Variants in MPDZ observed in about 807,000 individuals in gnomAD.
The protein encoded by MPDZ is multiple PDZ domain protein.
MPDZ carries 234 observed loss-of-function variants against 239.1 expected under a neutral mutation model. That is an observed-to-expected ratio of 0.98 (90% confidence interval 0.88 to 1.09). MPDZ has a LOEUF of 1.09. MPDZ is among the 50% of genes least tolerant of loss of function. The probability of loss-of-function intolerance (pLI) is 0.00; values close to 1 mark genes in which losing one functional copy is unlikely to be tolerated. For missense variants in MPDZ, 3,175 were observed against 2,510.0 expected, an observed-to-expected ratio of 1.26 and a Z score of -5.66; for synonymous variants, 1,048 against 881.3, an observed-to-expected ratio of 1.19 and a Z score of -3.35.
At chr9:13,122,335 T>C (rs1006237251) in intron 36 of MPDZ, among the ~76,000 whole-genome samples, 165 bp from the exon 37 acceptor site, 7 of 152,146 alleles carry the variant, frequency 4.6e-5, no homozygotes, top group African/African-American at 1.7e-4. Flanking sequence ...GTAACAACAA[T>C]TTTTGCTAAA....
At chr9:13,250,825 T>A (rs1055687141) in intron 1 of MPDZ, among the ~76,000 whole-genome samples, 17 of 152,034 alleles carry the variant, frequency 1.1e-4, no homozygotes, top group African/African-American at 4.1e-4. Flanking sequence ...AATACATGCA[T>A]ACCTATTAGA....
chr9:13,136,116 G>A lies in MPDZ; in HGVS notation c.4359C>T (p.Asn1453=), dbSNP rs748130357. 1.3e-5 allele frequency: 21 copies of A among 1,611,800 alleles called. No individual in the cohort carries two copies. The African/African-American group carries it at 2.5e-4, about 20-fold the overall frequency. The change falls in exon 31 of 47, where the codon AAC becomes AAT. Residue 1453 remains asparagine (N), a synonymous_variant. Transcript: ENST00000319217. The part of the protein sequence containing the change: ...PGNAVEPLPS[N]SENLQNKETE... ...CCTCCTTATTTTGAAGATTTTCTGA[G>A]TTAGAAGGCAAAGGTTCTACTGCAT...
intron 3 of MPDZ, among the ~76,000 whole-genome samples, chr9:13,237,484 G>C (rs932772946): frequency 2.8e-5 from 4 of 141,946 alleles, no homozygotes; most frequent in Admixed American, 7.1e-5. Context: ...TAAGTACAAA[G>C]TGTTTATGCT....
At chr9:13,236,268 T>TATATATATATATATATATATATATA (rs1491170147) in intron 3 of MPDZ, among the ~76,000 whole-genome samples, 9 of 13,072 alleles carry the variant, frequency 6.9e-4, no homozygotes, top group Non-Finnish European at 8.7e-4. Flanking sequence ...TATATATATA[T>TATATATATATATATATATATATATA]TTTTTTTTTT....
At chr9:13,153,840 G>C (rs747398087) in intron 24 of MPDZ, among the ~76,000 whole-genome samples, 1 of 152,046 alleles carries the variant, frequency 6.6e-6, no homozygotes, top group Non-Finnish European at 1.5e-5. Context: ...AAGAAGGAAA[G>C]AAAATGTCTC....
chr9:13,210,924 T>A (rs1957548525), intron 10 of MPDZ, among the ~76,000 whole-genome samples: 1 of 152,082 alleles, frequency 6.6e-6, no homozygotes, highest in South Asian at 2.1e-4. Context: ...CACAAAGCCA[T>A]CTTTCAGCAG....
At chr9:13,191,305 G>T (rs944617331) in intron 15 of MPDZ, among the ~76,000 whole-genome samples, 1 of 151,944 alleles carries the variant, frequency 6.6e-6, no homozygotes, top group Admixed American at 6.6e-5. Flanking sequence ...TTATTCCATT[G>T]TACTGATTCA....
intron 3 of MPDZ, among the ~76,000 whole-genome samples, chr9:13,228,941 A>C (rs938672835): frequency 1.3e-5 from 2 of 152,148 alleles, no homozygotes; most frequent in Non-Finnish European, 2.9e-5. Flanking sequence ...GAAGGACACA[A>C]ACTAGAGCAT....
chr9:13,110,503 A>T (rs1479932206), intron 44 of MPDZ, 133 bp downstream of exon 44: 3 of 694,004 alleles, frequency 4.3e-6, no homozygotes, highest in African/African-American at 1.8e-5. Context: ...TCTTAATTTA[A>T]TCATTTATGT....
At chr9:13,258,823 TAATTC>T (rs1970012137) in intron 1 of MPDZ, among the ~76,000 whole-genome samples, 1 of 152,214 alleles carries the variant, frequency 6.6e-6, no homozygotes, top group Non-Finnish European at 1.5e-5. Flanking sequence ...AAAATAAGAT[TAATTC>T]AATTTTGCCC....
chr9:13,236,803 TTC>T (rs1364661569), intron 3 of MPDZ, among the ~76,000 whole-genome samples: 1 of 152,152 alleles, frequency 6.6e-6, no homozygotes, highest in Non-Finnish European at 1.5e-5. Flanking sequence ...ATTGTTTACC[TTC>T]TTTTTTAAAA....
intron 10 of MPDZ, among the ~76,000 whole-genome samples, chr9:13,213,585 T>A (rs185463124): frequency 3.4e-4 from 52 of 152,174 alleles, no homozygotes; most frequent in African/African-American, 1.2e-3. Flanking sequence ...TTCAAAAGCA[T>A]TGCATGATGT....
chr9:13,273,023 A>AG (rs1397624541), intron 1 of MPDZ, among the ~76,000 whole-genome samples: 1 of 152,148 alleles, frequency 6.6e-6, no homozygotes, highest in Non-Finnish European at 1.5e-5. Context: ...GAATGGGATT[A>AG]GTGCCCTTAT....
intron 41 of MPDZ, 49 bp downstream of exon 41, chr9:13,113,882 T>C (rs1383046791): frequency 1.4e-6 from 2 of 1,403,982 alleles, no homozygotes; most frequent in Middle Eastern, 1.8e-4. Context: ...AAAAAATCAG[T>C]GTTGACAGCC....
chr9:13,166,740 A>G (rs1951129618), intron 22 of MPDZ, among the ~76,000 whole-genome samples: 1 of 152,120 alleles, frequency 6.6e-6, no homozygotes, highest in Non-Finnish European at 1.5e-5. Context: ...GCTTCTGCCC[A>G]CATGATAGGG....
intron 3 of MPDZ, among the ~76,000 whole-genome samples, chr9:13,241,903 G>A (rs886806123): frequency 6.6e-6 from 1 of 152,030 alleles, no homozygotes; most frequent in African/African-American, 2.4e-5. Context: ...AACAAACTCT[G>A]CTTACCTCAG....
chr9:13,115,656 G>A (rs1011566990), intron 39 of MPDZ, among the ~76,000 whole-genome samples: 8 of 148,724 alleles, frequency 5.4e-5, no homozygotes, highest in Non-Finnish European at 1.0e-4. Context: ...CAAACAAGCT[G>A]AATAACTGAG....
chr9:13,165,430 G>C, intron 22 of MPDZ: 1 of 1,547,956 alleles, frequency 6.5e-7, no homozygotes, highest in African/African-American at 1.4e-5. Flanking sequence ...AGCATACGCC[G>C]CGGCATCTTT....
chr9:13,124,365 C>T (rs928484728), intron 35 of MPDZ, among the ~76,000 whole-genome samples: 2 of 152,066 alleles, frequency 1.3e-5, no homozygotes, highest in Non-Finnish European at 2.9e-5. Context: ...CTTTTTCATC[C>T]AACTACATTA....
Sources: allele counts gnomAD v4.1 joint callset (sites outside exome capture counted in the v4.1 genomes callset), GRCh38; gene constraint gnomAD v4.1.1; transcripts MANE v1.5; gene names NCBI Gene and HGNC (gene_info 2026-07-23, HGNC 2026-07-21).